The following DEPTOR variants were observed in gnomAD, a reference collection of about 807,000 sequenced individuals.
DEPTOR encodes the protein DEP domain containing MTOR interacting protein, also known as DEP domain-containing mTOR-interacting protein.
A neutral mutation model predicts 41.6 loss-of-function variants in DEPTOR; 41 were observed. The ratio of observed to expected loss-of-function variants is 0.98; its 90% CI spans 0.77 to 1.28. DEPTOR has a LOEUF of 1.28. DEPTOR is among the 50% of genes most tolerant of loss of function. DEPTOR has a pLI of 0.00. For synonymous variants in DEPTOR, 195 were observed against 192.3 expected (o/e 1.01, Z -0.12); for missense variants, 514 against 527.9 (o/e 0.97, Z 0.26).
intron 1 of DEPTOR, among the ~76,000 whole-genome samples, chr8:119,924,083 C>G (rs1032440432): frequency 4.6e-5 from 7 of 152,066 alleles, no homozygotes; most frequent in African/African-American, 1.4e-4. Context: ...TGTCATTTTC[C>G]CCTCTGAGCT....
Position 120,021,058 on chromosome 8 carries a change from C to CAAAAT in DEPTOR, c.1101+11952_1101+11956dup, listed in dbSNP as rs147729205. 1.9e-3 allele frequency among the ~76,000 whole-genome samples: 226 copies of CAAAAT among 119,962 alleles called. 7 individuals are homozygous for CAAAAT. The highest frequency in any genetic ancestry group is 5.1e-3 in the East Asian group (22 of 4,316). 78.7% of individuals were successfully genotyped at this position (119,962 alleles called of 152,430 possible). ...TGGGTGACACAGCGAGACTCTGTCT[C>CAAAAT]AAAATAAAATAAAATAAAATAAAAT... On this transcript the variant is annotated intron_variant, in intron 8 of 8. Transcript: ENST00000286234.
At chr8:119,947,641 T>A (rs1465782881) in intron 3 of DEPTOR, among the ~76,000 whole-genome samples, 2 of 152,192 alleles carry the variant, frequency 1.3e-5, no homozygotes, top group Non-Finnish European at 2.9e-5. Context: ...AAATTTTGCC[T>A]TATCTTTATA....
chr8:119,983,610 C>T (rs1160304813), intron 4 of DEPTOR, among the ~76,000 whole-genome samples: 2 of 152,146 alleles, frequency 1.3e-5, no homozygotes, highest in Non-Finnish European at 2.9e-5. Flanking sequence ...TCTTGAACTC[C>T]TGACCTCAAG....
intron 8 of DEPTOR, among the ~76,000 whole-genome samples, chr8:120,012,473 T>G (rs1208067082): frequency 6.6e-6 from 1 of 152,180 alleles, no homozygotes; most frequent in East Asian, 1.9e-4. Flanking sequence ...AGCTATAATA[T>G]TATGACAACT....
chr8:120,003,732 A>G (rs1408339924), intron 6 of DEPTOR, among the ~76,000 whole-genome samples: 1 of 152,188 alleles, frequency 6.6e-6, no homozygotes, highest in African/African-American at 2.4e-5. Context: ...AAATCTGCTC[A>G]TCAACCTCCA....
intron 8 of DEPTOR, among the ~76,000 whole-genome samples, chr8:120,029,754 CT>C (rs1201935895): frequency 6.6e-6 from 1 of 152,200 alleles, no homozygotes; most frequent in African/African-American, 2.4e-5. Context: ...CTCCCCACCC[CT>C]CTCCATAATA....
At chr8:119,948,541 CCATA>C (rs1298304769) in intron 3 of DEPTOR, among the ~76,000 whole-genome samples, 4 of 152,026 alleles carry the variant, frequency 2.6e-5, no homozygotes, top group Non-Finnish European at 1.5e-5. Context: ...AATTCACATA[CCATA>C]CAATTCGCCT....
intron 5 of DEPTOR, among the ~76,000 whole-genome samples, 164 bp from the exon 6 acceptor site, chr8:120,002,813 A>T (rs1441644468): frequency 3.1e-5 from 3 of 97,300 alleles, no homozygotes; most frequent in East Asian, 3.4e-4. Context: ...TATATATATA[A>T]TATAAAGTAA....
chr8:119,938,765 C>A lies in DEPTOR; in HGVS notation c.425+8827C>A, dbSNP rs538802036. On this transcript the variant is annotated intron_variant, in intron 3 of 8. Transcript: ENST00000286234. The stretch of plus-strand genomic sequence containing the variant: ...CCTCAAGTGATCTGCCTGCCTCGGC[C>A]TCCCAAATTGTTGGGATTACAGGTG... Among the ~76,000 whole-genome samples the A allele has an allele frequency of 5.9e-5, 9 of 152,222 alleles. No individual in the cohort carries two copies. In the South Asian group the frequency reaches 1.9e-3, roughly 32 times the overall value.
rs1380791768 is a variant in DEPTOR at position 120,023,806 on chromosome 8, T to TG, written c.1101+14673_1101+14674insG. Among the ~76,000 whole-genome samples, 4 of 151,808 alleles carry TG rather than the reference T, an allele frequency of 2.6e-5. No homozygotes were observed. The East Asian group carries it at 7.7e-4, about 29-fold the overall frequency. ...GGTTTCAGTCACCTATTTTGTTTTT[T>TG]TTTTTTTACTTTGCTTGGCTTCCAT... On this transcript the variant is annotated intron_variant, in intron 8 of 8. Coordinates refer to ENST00000286234, the MANE Select transcript of DEPTOR (RefSeq NM_022783.4).
At chr8:119,925,825 A>G (rs1223625257) in intron 1 of DEPTOR, among the ~76,000 whole-genome samples, 2 of 152,088 alleles carry the variant, frequency 1.3e-5, no homozygotes, top group African/African-American at 2.4e-5. Context: ...GGGTTTCACC[A>G]TGTTGGCCAG....
chr8:120,029,606 G>A (rs983472165), intron 8 of DEPTOR, among the ~76,000 whole-genome samples: 11 of 152,118 alleles, frequency 7.2e-5, no homozygotes, highest in Non-Finnish European at 1.5e-4. Context: ...ATATTGGTCA[G>A]GCTGGTCTTG....
chr8:119,920,371 G>A (rs1827873883), intron 1 of DEPTOR, among the ~76,000 whole-genome samples: 1 of 152,142 alleles, frequency 6.6e-6, no homozygotes. Flanking sequence ...TTGTAATACA[G>A]TGCGATGAAT....
intron 4 of DEPTOR, among the ~76,000 whole-genome samples, chr8:119,992,238 C>T (rs1035057742): frequency 6.6e-6 from 1 of 152,190 alleles, no homozygotes. Flanking sequence ...AAGCCCCAGC[C>T]ACCCTTGTGC....
chr8:119,896,688 A>C (rs1384708309), intron 1 of DEPTOR, among the ~76,000 whole-genome samples: 1 of 151,864 alleles, frequency 6.6e-6, no homozygotes, highest in Non-Finnish European at 1.5e-5. Context: ...AGTAGAGACG[A>C]GGTTTCATCA....
chr8:119,968,552 C>T (rs934746154), intron 4 of DEPTOR, among the ~76,000 whole-genome samples: 7 of 152,086 alleles, frequency 4.6e-5, no homozygotes, highest in Non-Finnish European at 1.0e-4. Context: ...TGCGCCTGCC[C>T]CGGTCTCCCA....
At chr8:119,905,295 T>A (rs1827648306) in intron 1 of DEPTOR, among the ~76,000 whole-genome samples, 1 of 152,034 alleles carries the variant, frequency 6.6e-6, no homozygotes, top group East Asian at 1.9e-4. Flanking sequence ...ATTTCTGCAA[T>A]AGAAGGATGT....
intron 1 of DEPTOR, among the ~76,000 whole-genome samples, chr8:119,922,999 C>T (rs184875626): frequency 2.1e-4 from 31 of 148,066 alleles, no homozygotes; most frequent in East Asian, 1.4e-3. Context: ...ACACCATCCC[C>T]GAACATGGGC....
intron 1 of DEPTOR, among the ~76,000 whole-genome samples, chr8:119,883,163 C>A (rs1827320017): frequency 6.6e-6 from 1 of 151,940 alleles, no homozygotes; most frequent in South Asian, 2.1e-4. Context: ...AGAAAACACA[C>A]CCTGCAGTGT....
Sources: gnomAD v4.1 joint callset for allele counts (sites outside exome capture counted in the v4.1 genomes callset) on GRCh38, gnomAD v4.1.1 for gene constraint, MANE v1.5 for transcripts, NCBI Gene and HGNC (gene_info 2026-07-23, HGNC 2026-07-21) for gene names.